Variants in CSMD1 observed in about 807,000 individuals in gnomAD.
The protein encoded by CSMD1 is CUB and Sushi multiple domains 1.
Under a neutral mutation model 417.5 loss-of-function variants are expected in CSMD1, and 213 were observed. The ratio of observed to expected loss-of-function variants is 0.51; its 90% CI spans 0.46 to 0.57. The LOEUF is 0.57. Among genes scored for constraint, CSMD1 ranks in the 20% least tolerant of loss-of-function variants. CSMD1 has a pLI of 0.00. For synonymous variants in CSMD1, 2,862 were observed against 1,736.8 expected (o/e 1.65, Z -16.11); for missense variants, 6,923 against 4,529.7 (o/e 1.53, Z -15.17).
intron 2 of CSMD1, among the ~76,000 whole-genome samples, chr8:4,420,907 T>C (rs1797215687): frequency 6.6e-6 from 1 of 152,162 alleles, no homozygotes; most frequent in Non-Finnish European, 1.5e-5. Context: ...CTAGGAGCCC[T>C]CCTCCCTCCC....
intron 37 of CSMD1, among the ~76,000 whole-genome samples, chr8:3,171,496 T>C (rs943889249): frequency 6.6e-6 from 1 of 152,110 alleles, no homozygotes; most frequent in Admixed American, 6.5e-5. Flanking sequence ...AAATGATGAG[T>C]TGGTGGTTGG....
rs143506780 is a variant in CSMD1, at chr8:4,531,668, G to C, written c.302+105674C>G. Among the ~76,000 whole-genome samples the C allele has an allele frequency of 2.6e-4, 39 of 152,226 alleles. No homozygotes were observed. The East Asian group carries it at 6.2e-3, about 24-fold the overall frequency. On this transcript the variant is annotated intron_variant, in intron 2 of 69. Transcript: ENST00000635120. Reference sequence around the variant, plus strand: ...CACGCTAGCTCTGTGTGCTTATCTAGTTTGTCAGAATCAGCACTTCTTTTA... The same window carrying C: ...CACGCTAGCTCTGTGTGCTTATCTACTTTGTCAGAATCAGCACTTCTTTTA...
chr8:3,164,692 A>G (rs1353260821), intron 37 of CSMD1, among the ~76,000 whole-genome samples: 2 of 152,188 alleles, frequency 1.3e-5, no homozygotes, highest in East Asian at 3.8e-4. Flanking sequence ...ATACTAAGTC[A>G]TCGTCATTCT....
intron 7 of CSMD1, among the ~76,000 whole-genome samples, chr8:3,663,731 T>G (rs796109649): frequency 1.3e-5 from 2 of 152,316 alleles, no homozygotes; most frequent in African/African-American, 4.8e-5. Flanking sequence ...TTGCTTTGAG[T>G]TGTCCTGCCT....
At chr8:3,347,488 G>A (rs112019122) in intron 22 of CSMD1, among the ~76,000 whole-genome samples, 11 of 152,158 alleles carry the variant, frequency 7.2e-5, no homozygotes, top group Non-Finnish European at 1.3e-4. Context: ...ACTGTGGCTG[G>A]ATTTACCTCC....
chr8:4,590,724 G>C (rs1054012440), intron 2 of CSMD1, among the ~76,000 whole-genome samples: 3 of 152,070 alleles, frequency 2.0e-5, no homozygotes, highest in African/African-American at 4.8e-5. Flanking sequence ...TTTGTTGTTT[G>C]TTGCTTTTAT....
chr8:3,317,812 T>C (rs1050218050), intron 23 of CSMD1, among the ~76,000 whole-genome samples: 20 of 152,246 alleles, frequency 1.3e-4, no homozygotes, highest in African/African-American at 4.8e-4. Context: ...ATAAGTGAAC[T>C]TTTAATGTTA....
intron 6 of CSMD1, among the ~76,000 whole-genome samples, chr8:3,741,186 C>G (rs1796781872): frequency 1.4e-5 from 2 of 138,598 alleles, no homozygotes; most frequent in African/African-American, 5.4e-5. Context: ...TGCAGTCCAG[C>G]CCGGGCAACA....
intron 5 of CSMD1, among the ~76,000 whole-genome samples, chr8:3,894,247 C>A (rs1807194002): frequency 6.6e-6 from 1 of 152,298 alleles, no homozygotes; most frequent in Admixed American, 6.5e-5. Context: ...CTGTCAACAT[C>A]TGCAGTCCCA....
In CSMD1 at chr8:4,032,966, T is replaced by A. The variant is rs922344267; in HGVS notation, c.416-867A>T. On this transcript the variant is annotated intron_variant, in intron 3 of 69. Transcript: ENST00000635120. ...GATAGAACAGGCTCCTCAATTCCGA[T>A]ACGAAACACTGACAATCTGTTTGCG... 1.3e-5 allele frequency among the ~76,000 whole-genome samples: 2 copies of A among 151,926 alleles called. 1 individual carries two copies. Among genetic ancestry groups the A allele is most frequent in the Admixed American group, 1.3e-4 (2 of 15,246 alleles).
At chr8:3,938,824 C>T (rs1254829902) in intron 5 of CSMD1, among the ~76,000 whole-genome samples, 1 of 152,124 alleles carries the variant, frequency 6.6e-6, no homozygotes, top group Admixed American at 6.6e-5. Flanking sequence ...ATTTAGCTAA[C>T]ATATCTTTAT....
intron 3 of CSMD1, among the ~76,000 whole-genome samples, chr8:4,190,757 G>A (rs1316647774): frequency 6.6e-6 from 1 of 152,078 alleles, no homozygotes; most frequent in African/African-American, 2.4e-5. Flanking sequence ...TAATTAAACA[G>A]TACTATGCGG....
chr8:4,427,843 T>C (rs148903263), intron 2 of CSMD1, among the ~76,000 whole-genome samples: 81 of 152,306 alleles, frequency 5.3e-4, no homozygotes, highest in African/African-American at 1.8e-3. Flanking sequence ...TAATTCTTTT[T>C]CTTAAAACCC....
At chr8:4,091,784 C>G (rs1281605212) in intron 3 of CSMD1, among the ~76,000 whole-genome samples, 2 of 152,130 alleles carry the variant, frequency 1.3e-5, no homozygotes, top group Admixed American at 6.5e-5. Context: ...AAGTTGTAGT[C>G]ACAAGGTTGG....
At chr8:4,755,678 T>A (rs4875115) in intron 1 of CSMD1, among the ~76,000 whole-genome samples, 2 of 152,264 alleles carry the variant, frequency 1.3e-5, no homozygotes, top group South Asian at 2.1e-4. Flanking sequence ...TAGTTTTCAA[T>A]AATTCGCAGT....
intron 18 of CSMD1, among the ~76,000 whole-genome samples, chr8:3,379,136 T>C (rs910443467): frequency 2.0e-5 from 3 of 152,104 alleles, no homozygotes; most frequent in Admixed American, 2.0e-4. Context: ...AAGAATGAAC[T>C]CCCATTCACA....
chr8:4,819,241 T>A (rs780656007), intron 1 of CSMD1, among the ~76,000 whole-genome samples: 6 of 152,172 alleles, frequency 3.9e-5, no homozygotes, highest in Non-Finnish European at 7.3e-5. Context: ...TAACTAGTAT[T>A]TGGCATTTTA....
chr8:4,187,275 G>T (rs987929690), intron 3 of CSMD1, among the ~76,000 whole-genome samples: 12 of 152,166 alleles, frequency 7.9e-5, no homozygotes, highest in Non-Finnish European at 1.6e-4. Flanking sequence ...GACTTTTAGG[G>T]AATACTGATG....
At chr8:4,936,532 T>G (rs6982220) in intron 1 of CSMD1, among the ~76,000 whole-genome samples, 90,109 of 152,122 alleles carry the variant, frequency 0.59, 26,932 homozygotes, top group South Asian at 0.71. Flanking sequence ...TGTACCTTCG[T>G]GAATAAATGT....
Sources: allele counts gnomAD v4.1 joint callset (sites outside exome capture counted in the v4.1 genomes callset), GRCh38; gene constraint gnomAD v4.1.1; transcripts MANE v1.5; gene names NCBI Gene and HGNC (gene_info 2026-07-23, HGNC 2026-07-21).